The following COL4A4 variants were observed in gnomAD, a reference collection of about 807,000 sequenced individuals.
The protein encoded by COL4A4 is collagen type IV alpha 4 chain.
Under a neutral mutation model 192.9 loss-of-function variants are expected in COL4A4, and 105 were observed. That is an observed-to-expected ratio of 0.54 (90% confidence interval 0.46 to 0.64). The LOEUF (loss-of-function observed/expected upper bound fraction) is 0.64, where lower values mean the gene tolerates loss of function less well. Ranked by LOEUF, COL4A4 falls within the 30% of genes least tolerant of loss-of-function variation. The pLI is 0.00. For missense variants in COL4A4, 1,967 were observed against 2,169.3 expected (o/e 0.91, Z 1.85); for synonymous variants, 762 against 769.9 (o/e 0.99, Z 0.17).
At chr2:227,143,279 C>A (rs1330347300) in intron 3 of COL4A4, among the ~76,000 whole-genome samples, 1 of 152,120 alleles carries the variant, frequency 6.6e-6, no homozygotes, top group Non-Finnish European at 1.5e-5. Context: ...TGAACACTAC[C>A]CTGAAATTAG....
chr2:227,117,466 G>T (rs953334700), intron 7 of COL4A4, among the ~76,000 whole-genome samples: 6 of 152,108 alleles, frequency 3.9e-5, no homozygotes, highest in Non-Finnish European at 8.8e-5. Context: ...GATACCAGAA[G>T]AAAAATGTGA....
At chr2:227,061,194 C>T (rs1976932287) in intron 26 of COL4A4, among the ~76,000 whole-genome samples, 1 of 152,098 alleles carries the variant, frequency 6.6e-6, no homozygotes, top group South Asian at 2.1e-4. Context: ...TTTTTATCCA[C>T]CCATGACCAG....
At chr2:227,114,724 C>G in intron 7 of COL4A4, 28 bp from the exon 8 acceptor site, 1 of 1,536,006 alleles carries the variant, frequency 6.5e-7, no homozygotes, top group Non-Finnish European at 9.0e-7. Flanking sequence ...ATGTACTTAA[C>G]AGGAAAATAG....
chr2:227,014,360 T>C (rs928628243), intron 44 of COL4A4, among the ~76,000 whole-genome samples: 1 of 152,186 alleles, frequency 6.6e-6, no homozygotes, highest in East Asian at 1.9e-4. Context: ...ATGCTGCCAG[T>C]CCCAGGAACC....
At position 227,045,866 on chromosome 2, in the gene COL4A4, A is replaced by ATG. The variant is rs1559488430; in HGVS notation, c.3289+1608_3289+1609insCA. On this transcript the variant is annotated intron_variant, in intron 35 of 47. Coordinates refer to ENST00000396625, the MANE Select transcript of COL4A4 (RefSeq NM_000092.5). ...TATATATACACATATATATATACAC[A>ATG]TATATATACATATATATGTATATAT... is the stretch of plus-strand genomic sequence containing the variant. 3.8e-4 allele frequency among the ~76,000 whole-genome samples: 33 copies of ATG among 86,530 alleles called. 4 individuals are homozygous for ATG. The highest frequency in any genetic ancestry group is 1.4e-3 in the South Asian group (3 of 2,216). The allele number at this position is 86,530 out of a possible 152,430, so 56.8% of individuals were successfully genotyped here. A position where few individuals can be genotyped will look rare whatever the true frequency, so the allele number is the denominator to read the frequency against.
chr2:227,088,833 T>C lies in COL4A4; in HGVS notation c.1460-17A>G. The C allele has an allele frequency of 6.2e-7, 1 of 1,613,900 alleles. No individual in the cohort carries two copies. The highest frequency in any genetic ancestry group is 8.5e-7 in the Non-Finnish European group (1 of 1,179,918). On this transcript the variant is annotated splice_polypyrimidine_tract_variant and intron_variant, in intron 21 of 47. Transcript: ENST00000396625. Reference sequence around the variant, plus strand: ...CTTCATTTCCTAGACAGAGGATCAATGGCAGATTTGTCATATTTCCTGAAT... The same window carrying C: ...CTTCATTTCCTAGACAGAGGATCAACGGCAGATTTGTCATATTTCCTGAAT...
intron 19 of COL4A4, among the ~76,000 whole-genome samples, chr2:227,095,545 A>G (rs140821289): frequency 1.3e-5 from 2 of 152,326 alleles, no homozygotes; most frequent in African/African-American, 4.8e-5. Flanking sequence ...CAACAGCAGG[A>G]AATCCTGCTT....
Position 227,065,023 on chromosome 2 carries a change from GGTGCGCGCACC to G in COL4A4, c.1988-2436_1988-2426del, listed in dbSNP as rs756135178. ...GCCAGACAGTGGGTGCAGGTCAGTG[GGTGCGCGCACC>G]GTGCACGAGCCGAAGCAGGGCGAGG... On this transcript the variant is annotated intron_variant, in intron 25 of 47. Coordinates refer to ENST00000396625, the MANE Select transcript of COL4A4 (RefSeq NM_000092.5). Among the ~76,000 whole-genome samples the G allele has an allele frequency of 1.8e-4, 27 of 152,302 alleles. 1 individual carries two copies. The East Asian group carries it at 2.9e-3, about 16-fold the overall frequency.
At chr2:227,032,649 C>T (rs1968682194) in intron 38 of COL4A4, among the ~76,000 whole-genome samples, 1 of 152,162 alleles carries the variant, frequency 6.6e-6, no homozygotes, top group Admixed American at 6.5e-5. Context: ...TGGAATTTCA[C>T]ACTGGGAAGG....
chr2:227,120,863 T>C lies in COL4A4; in HGVS notation c.327+151A>G, dbSNP rs1394354798. 10 of 949,082 alleles carry C rather than the reference T, an allele frequency of 1.1e-5. No homozygotes were observed. The Admixed American group carries it at 2.0e-4, about 19-fold the overall frequency. The allele number at this position is 949,082 out of a possible 1,614,324, so 58.8% of individuals were successfully genotyped here. On this transcript the variant is annotated intron_variant, in intron 5 of 47. Coordinates refer to ENST00000396625, the MANE Select transcript of COL4A4 (RefSeq NM_000092.5). ...CTGAGGTGGGAGGCTCGCTTGAACC[T>C]GGGAGGCGAAGGCTGCAGTGAGCTG...
chr2:227,112,140 T>C (rs1335556421), intron 8 of COL4A4, among the ~76,000 whole-genome samples: 1 of 152,228 alleles, frequency 6.6e-6, no homozygotes, highest in African/African-American at 2.4e-5. Flanking sequence ...AGCCTCTGTC[T>C]ACTTCTATCG....
intron 22 of COL4A4, 60 bp from the exon 23 acceptor site, chr2:227,082,247 G>A: frequency 1.5e-6 from 2 of 1,319,658 alleles, no homozygotes; most frequent in South Asian, 2.3e-5. Flanking sequence ...AGTTACATCT[G>A]TACATATTGA....
At chr2:226,990,280 T>C in the COL4A4 span, among the ~76,000 whole-genome samples, 1 of 152,194 alleles carries the variant, frequency 6.6e-6, no homozygotes, top group African/African-American at 2.4e-5. Context: ...TTGCAGTTCA[T>C]GGAATGCTAA....
the COL4A4 span, chr2:226,995,653 C>A: frequency 1.4e-6 from 1 of 692,338 alleles, no homozygotes; most frequent in Non-Finnish European, 2.6e-6. Context: ...AGATCGCTCA[C>A]ATCACCTGGG....
chr2:227,079,990 G>A (rs970700826), intron 24 of COL4A4, among the ~76,000 whole-genome samples: 2 of 152,056 alleles, frequency 1.3e-5, no homozygotes, highest in Non-Finnish European at 2.9e-5. Flanking sequence ...ATCAGCCAAC[G>A]CCTTGACTCT....
At chr2:227,101,198 C>T (rs979564888) in intron 17 of COL4A4, among the ~76,000 whole-genome samples, 1 of 152,084 alleles carries the variant, frequency 6.6e-6, no homozygotes, top group African/African-American at 2.4e-5. Flanking sequence ...CTCTCTTTGC[C>T]TGCTGCCATC....
the COL4A4 span, among the ~76,000 whole-genome samples, chr2:226,972,712 C>T: frequency 3.2e-4 from 49 of 152,292 alleles, no homozygotes; most frequent in Middle Eastern, 3.4e-3. Flanking sequence ...CAACAGTGAA[C>T]GGCACAGACT....
At chr2:226,989,747 C>T in the COL4A4 span, among the ~76,000 whole-genome samples, 11 of 152,072 alleles carry the variant, frequency 7.2e-5, no homozygotes, top group Non-Finnish European at 1.2e-4. Context: ...GATTTTAAGT[C>T]ATTTTTGTTC....
At chr2:227,103,600 G>A (rs953153696) in intron 13 of COL4A4, among the ~76,000 whole-genome samples, 2 of 152,220 alleles carry the variant, frequency 1.3e-5, no homozygotes, top group Non-Finnish European at 2.9e-5. Flanking sequence ...TTACGGCCCA[G>A]TTCTATGCAT....
Sources: gnomAD v4.1 joint callset for allele counts (sites outside exome capture counted in the v4.1 genomes callset) on GRCh38, gnomAD v4.1.1 for gene constraint, MANE v1.5 for transcripts, NCBI Gene and HGNC (gene_info 2026-07-23, HGNC 2026-07-21) for gene names.